NTN4: variants seen among roughly 807,000 people sequenced by gnomAD.
NTN4 encodes the protein netrin-4.
Under a neutral mutation model 73.6 loss-of-function variants are expected in NTN4, and 32 were observed. That is an observed-to-expected ratio of 0.44 (90% CI 0.33 to 0.58). The LOEUF (loss-of-function observed/expected upper bound fraction) is 0.58. Among genes scored for constraint, NTN4 ranks in the 20% least tolerant of loss-of-function variants. NTN4 has a pLI of 0.04. For missense variants in NTN4, 654 were observed against 798.3 expected (o/e 0.82, Z 2.18); for synonymous variants, 258 against 287.5 (o/e 0.90, Z 1.04).
At chr12:95,719,856 A>G (rs1157059444) in intron 3 of NTN4, among the ~76,000 whole-genome samples, 1 of 152,166 alleles carries the variant, frequency 6.6e-6, no homozygotes, top group Non-Finnish European at 1.5e-5. Flanking sequence ...TTGAAGGCTG[A>G]GTGTTTCAAA....
intron 3 of NTN4, among the ~76,000 whole-genome samples, chr12:95,725,864 A>T (rs2078690063): frequency 6.6e-6 from 1 of 152,218 alleles, no homozygotes; most frequent in Non-Finnish European, 1.5e-5. Context: ...CTATCAGAAT[A>T]CAGAGCCATT....
chr12:95,667,189 GTTC>G (rs1354607389), intron 8 of NTN4, among the ~76,000 whole-genome samples: 1 of 149,938 alleles, frequency 6.7e-6, no homozygotes, highest in Non-Finnish European at 1.5e-5. Flanking sequence ...ACGTAGGGAA[GTTC>G]TTTTTTTTTT....
intron 2 of NTN4, among the ~76,000 whole-genome samples, chr12:95,749,188 T>C (rs2078885193): frequency 6.6e-6 from 1 of 152,168 alleles, no homozygotes. Context: ...GCTGACTCTC[T>C]TTTTGGACTC....
At chr12:95,713,871 C>G (rs2078585934) in intron 3 of NTN4, among the ~76,000 whole-genome samples, 1 of 151,958 alleles carries the variant, frequency 6.6e-6, no homozygotes, top group Admixed American at 6.6e-5. Context: ...GTATGATGTA[C>G]AATTATCTGA....
intron 7 of NTN4, among the ~76,000 whole-genome samples, chr12:95,678,570 T>C (rs2078292377): frequency 6.6e-6 from 1 of 152,094 alleles, no homozygotes; most frequent in South Asian, 2.1e-4. Context: ...AGTTTTATAG[T>C]GGTGAAAATT....
intron 5 of NTN4, among the ~76,000 whole-genome samples, chr12:95,686,269 G>A (rs1479580144): frequency 6.6e-6 from 1 of 152,112 alleles, no homozygotes; most frequent in African/African-American, 2.4e-5. Context: ...AGTCTTGTGG[G>A]GGAAACAGAG....
chr12:95,773,598 C>T (rs1038061988), intron 2 of NTN4, among the ~76,000 whole-genome samples: 6 of 151,956 alleles, frequency 3.9e-5, no homozygotes, highest in Non-Finnish European at 5.9e-5. Context: ...AAGGCCTTTG[C>T]TCTTCTCTAT....
chr12:95,749,020 A>G (rs2078883842), intron 2 of NTN4, among the ~76,000 whole-genome samples: 1 of 152,100 alleles, frequency 6.6e-6, no homozygotes, highest in Admixed American at 6.6e-5. Flanking sequence ...TTCCTGCCCC[A>G]CCATTAACCC....
At chr12:95,780,606 A>G (rs1014676092) in intron 2 of NTN4, among the ~76,000 whole-genome samples, 1 of 152,188 alleles carries the variant, frequency 6.6e-6, no homozygotes, top group Admixed American at 6.5e-5. Flanking sequence ...ATGAGATACC[A>G]TCTCACACCA....
chr12:95,761,729 A>G (rs1211348856), intron 2 of NTN4, among the ~76,000 whole-genome samples: 1 of 152,208 alleles, frequency 6.6e-6, no homozygotes, highest in Non-Finnish European at 1.5e-5. Context: ...ACACTAGGAA[A>G]ACGATAAACC....
chr12:95,760,263 C>G (rs910176607), intron 2 of NTN4, among the ~76,000 whole-genome samples: 12 of 152,140 alleles, frequency 7.9e-5, no homozygotes, highest in Admixed American at 7.9e-4. Flanking sequence ...CCGGTCCAGA[C>G]AGTGAGAAGG....
intron 3 of NTN4, among the ~76,000 whole-genome samples, chr12:95,730,758 A>T (rs1334268187): frequency 5.9e-5 from 9 of 152,220 alleles, no homozygotes; most frequent in Non-Finnish European, 1.3e-4. Context: ...ATGCTAACAC[A>T]GGAGCACTGA....
chr12:95,752,438 G>C (rs1261943442), intron 2 of NTN4, among the ~76,000 whole-genome samples: 4 of 150,658 alleles, frequency 2.7e-5, no homozygotes, highest in African/African-American at 9.7e-5. Context: ...CTATTCCTTT[G>C]CACCCTTCAT....
intron 2 of NTN4, among the ~76,000 whole-genome samples, chr12:95,777,285 T>C (rs1186852469): frequency 6.9e-6 from 1 of 145,108 alleles, no homozygotes; most frequent in East Asian, 1.9e-4. Flanking sequence ...AACATCATAA[T>C]GACAGGATCA....
In NTN4 at chr12:95,789,248, G is replaced by T. The variant is rs1430502405; in HGVS notation, c.55+1007C>A. Among the ~76,000 whole-genome samples, 2 of 152,150 alleles carry T rather than the reference G, an allele frequency of 1.3e-5. No homozygotes were observed. The highest frequency in any genetic ancestry group is 4.8e-5 in the African/African-American group (2 of 41,430). ...AGCCTGGATTTTGCTGGGTGCCAGC[G>T]GCCCTCAGGGAAGAGTGGAAGCCCA... On this transcript the variant is annotated intron_variant, in intron 1 of 9. Coordinates refer to ENST00000343702, the MANE Select transcript of NTN4 (RefSeq NM_021229.4). The surrounding 1 kb of genome is among the most constrained non-coding windows in gnomAD (Gnocchi z 4.0).
intron 2 of NTN4, among the ~76,000 whole-genome samples, chr12:95,740,781 C>T (rs545720078): frequency 1.1e-4 from 17 of 152,122 alleles, no homozygotes; most frequent in African/African-American, 4.1e-4. Flanking sequence ...CTTTATATAC[C>T]TTGTGAGTAT....
At chr12:95,774,165 G>A in intron 2 of NTN4, among the ~76,000 whole-genome samples, 1 of 125,984 alleles carries the variant, frequency 7.9e-6, no homozygotes, top group East Asian at 2.2e-4. Flanking sequence ...TTTAGTTTTA[G>A]TTTTTCTCTC....
intron 2 of NTN4, among the ~76,000 whole-genome samples, chr12:95,785,877 T>C (rs12308509): frequency 0.2 from 29,861 of 152,140 alleles, 3,144 homozygotes; most frequent in African/African-American, 0.25. Flanking sequence ...CCTCGGTACA[T>C]TGACATTTTG....
At chr12:95,705,988 A>G (rs1418883921) in intron 5 of NTN4, among the ~76,000 whole-genome samples, 1 of 152,240 alleles carries the variant, frequency 6.6e-6, no homozygotes, top group African/African-American at 2.4e-5. Context: ...GATTGAAAAA[A>G]TAATAAAAAG....
Sources: gnomAD v4.1 joint callset for allele counts (sites outside exome capture counted in the v4.1 genomes callset) on GRCh38, gnomAD v4.1.1 for gene constraint, Gnocchi (gnomAD v3.1) non-coding constraint, MANE v1.5 for transcripts, NCBI Gene and HGNC (gene_info 2026-07-23, HGNC 2026-07-21) for gene names.